The following HTR1F variants were observed in gnomAD, a reference collection of about 807,000 sequenced individuals.
HTR1F encodes 5-hydroxytryptamine receptor 1F, also known as 5-hydroxytryptamine (serotonin) receptor 1F, G protein-coupled.
Under a neutral mutation model 24.0 loss-of-function variants are expected in HTR1F, and 17 were observed. The ratio of observed to expected loss-of-function variants is 0.71; its 90% CI spans 0.48 to 1.06. The LOEUF (loss-of-function observed/expected upper bound fraction) is 1.06, where lower values mean the gene tolerates loss of function less well. HTR1F is among the 50% of genes least tolerant of loss of function. HTR1F has a pLI of 0.00. For missense variants in HTR1F, 391 were observed against 427.8 expected (o/e 0.91, Z 0.76); for synonymous variants, 186 against 156.8 (o/e 1.19, Z -1.39).
At chr3:87,906,997 C>T (rs1703681022) in intron 2 of HTR1F, among the ~76,000 whole-genome samples, 1 of 152,052 alleles carries the variant, frequency 6.6e-6, no homozygotes, top group Admixed American at 6.6e-5. Context: ...TATAAATATG[C>T]ATGTGCAACT....
At chr3:87,851,649 A>G (rs1164656187) in intron 2 of HTR1F, among the ~76,000 whole-genome samples, 2 of 151,660 alleles carry the variant, frequency 1.3e-5, no homozygotes, top group Admixed American at 6.6e-5. Context: ...AAATCCAACT[A>G]TTCCTCTATG....
intron 2 of HTR1F, among the ~76,000 whole-genome samples, chr3:87,917,969 T>C (rs1030842881): frequency 6.6e-6 from 1 of 151,906 alleles, no homozygotes; most frequent in Non-Finnish European, 1.5e-5. Context: ...CTAAAATCCT[T>C]GACAAAATAC....
intron 2 of HTR1F, among the ~76,000 whole-genome samples, chr3:87,850,797 T>C (rs1032423638): frequency 2.6e-5 from 4 of 151,494 alleles, no homozygotes; most frequent in Admixed American, 6.6e-5. Context: ...GCAGATTTAA[T>C]TGTATTTAGG....
At chr3:87,801,610 C>G (rs1468624815) in intron 1 of HTR1F, among the ~76,000 whole-genome samples, 1 of 152,084 alleles carries the variant, frequency 6.6e-6, no homozygotes, top group Non-Finnish European at 1.5e-5. Context: ...AGGGAGCTTC[C>G]AGATCACAGA....
At chr3:87,930,700 G>A (rs1362356279) in intron 2 of HTR1F, among the ~76,000 whole-genome samples, 4 of 152,068 alleles carry the variant, frequency 2.6e-5, no homozygotes, top group African/African-American at 7.2e-5. Flanking sequence ...GTATTTTGTT[G>A]AGGATTTTTG....
At chr3:87,936,113 G>A (rs1451759847) in intron 2 of HTR1F, among the ~76,000 whole-genome samples, 1 of 152,194 alleles carries the variant, frequency 6.6e-6, no homozygotes, top group Non-Finnish European at 1.5e-5. Flanking sequence ...GCCTCCCAAA[G>A]TGCTGGGATT....
chr3:87,950,273 A>G (rs1344948064), intron 2 of HTR1F, among the ~76,000 whole-genome samples: 2 of 152,206 alleles, frequency 1.3e-5, no homozygotes, highest in African/African-American at 4.8e-5. Context: ...TCAACATGAG[A>G]TTTGGTGTAA....
intron 2 of HTR1F, among the ~76,000 whole-genome samples, chr3:87,862,813 T>C (rs184478254): frequency 9.5e-4 from 144 of 152,166 alleles, no homozygotes; most frequent in Non-Finnish European, 1.8e-3. Context: ...TACTCTTTTT[T>C]TTTCTTTTCT....
chr3:87,964,071 A>T (rs1705115395), intron 2 of HTR1F, among the ~76,000 whole-genome samples: 1 of 152,026 alleles, frequency 6.6e-6, no homozygotes, highest in Non-Finnish European at 1.5e-5. Flanking sequence ...TTTTTCCTCT[A>T]ACACCCTCAC....
intron 1 of HTR1F, among the ~76,000 whole-genome samples, chr3:87,807,096 G>A (rs114891569): frequency 1.3e-5 from 2 of 151,878 alleles, no homozygotes; most frequent in Admixed American, 6.6e-5. Flanking sequence ...GCTCAGGATT[G>A]CTTTGGCTAT....
intron 2 of HTR1F, among the ~76,000 whole-genome samples, chr3:87,963,096 G>A (rs1346222284): frequency 6.6e-6 from 1 of 151,898 alleles, no homozygotes; most frequent in Non-Finnish European, 1.5e-5. Context: ...GTTAATACAT[G>A]GAAAATTAAT....
intron 2 of HTR1F, among the ~76,000 whole-genome samples, chr3:87,909,839 G>C (rs1423269750): frequency 1.3e-5 from 2 of 151,932 alleles, no homozygotes; most frequent in Non-Finnish European, 2.9e-5. Context: ...CATTACACTG[G>C]CATGCAGGTC....
chr3:87,829,574 C>T (rs570441589), intron 2 of HTR1F, among the ~76,000 whole-genome samples: 7 of 152,298 alleles, frequency 4.6e-5, no homozygotes, highest in Non-Finnish European at 7.4e-5. Context: ...ACTGCATTTG[C>T]ACATTCACAC....
chr3:87,921,848 A>C (rs1039921613), intron 2 of HTR1F, among the ~76,000 whole-genome samples: 27 of 151,882 alleles, frequency 1.8e-4, no homozygotes, highest in Non-Finnish European at 3.5e-4. Context: ...ATTTTACTTA[A>C]CAGAAAGCCT....
At chr3:87,971,920 AAT>A (rs1425350772) in intron 2 of HTR1F, among the ~76,000 whole-genome samples, 1 of 152,164 alleles carries the variant, frequency 6.6e-6, no homozygotes. Flanking sequence ...ACCACATGCA[AAT>A]ATACTTATAG....
intron 2 of HTR1F, among the ~76,000 whole-genome samples, chr3:87,858,952 T>C (rs544474378): frequency 1.1e-4 from 16 of 152,244 alleles, no homozygotes; most frequent in African/African-American, 3.4e-4. Flanking sequence ...TCCCAGCACC[T>C]TGGGAGGCCA....
At chr3:87,959,238 T>A (rs773346989) in intron 2 of HTR1F, among the ~76,000 whole-genome samples, 17 of 151,880 alleles carry the variant, frequency 1.1e-4, no homozygotes, top group Non-Finnish European at 1.9e-4. Context: ...AATTCTCACA[T>A]TTTTATGGTT....
At position 87,991,465 on chromosome 3, in the gene HTR1F, A is replaced by T; in HGVS notation, c.716A>T (p.Lys239Ile). Residue 239 changes from lysine to isoleucine, a missense_variant, in exon 3 of 3, where the codon AAA becomes ATA. Lys to Ile is a moderately radical substitution (Grantham distance 102). Transcript: ENST00000319595. ...TTGGAGAGTGGTGAGAAAAGCACTA[A>T]ATCAGTTTCCACATCCTATGTACTA... ...VLLESGEKST[K>I]SVSTSYVLEK... 6.2e-7 allele frequency: 1 copy of T among 1,614,072 alleles called. No individual in the cohort carries two copies. The highest frequency in any genetic ancestry group is 1.1e-5 in the South Asian group (1 of 91,070).
Position 87,851,120 on chromosome 3 carries a change from TC to T in HTR1F, c.-43+28997del, listed in dbSNP as rs1360638041. Among the ~76,000 whole-genome samples, 3 of 151,754 alleles carry T rather than the reference TC, an allele frequency of 2.0e-5. 1 individual carries two copies. Among genetic ancestry groups the T allele is most frequent in the African/African-American group, 7.3e-5 (3 of 41,176 alleles). On this transcript the variant is annotated intron_variant, in intron 2 of 2. Coordinates refer to ENST00000319595, the MANE Select transcript of HTR1F (RefSeq NM_001322209.2). ...AAAAATGTTAACAAGCCTGGGTGCA[TC>T]TTTCCACATTTTTCTTCTGGGTGCT... is the stretch of plus-strand genomic sequence containing the variant.
Sources: gnomAD v4.1 joint callset for allele counts (sites outside exome capture counted in the v4.1 genomes callset) on GRCh38, gnomAD v4.1.1 for gene constraint, MANE v1.5 for transcripts, NCBI Gene and HGNC (gene_info 2026-07-23, HGNC 2026-07-21) for gene names.